The following TM2D1 variants were observed in gnomAD, a reference collection of about 807,000 sequenced individuals.
The protein encoded by TM2D1 is TM2 domain containing 1.
A neutral mutation model predicts 28.4 loss-of-function variants in TM2D1; 15 were observed. That is an observed-to-expected ratio of 0.53 (90% CI 0.35 to 0.81). The LOEUF is 0.81. Ranked by LOEUF, TM2D1 falls within the 40% of genes least tolerant of loss-of-function variation. TM2D1 has a pLI of 0.01. For synonymous variants in TM2D1, 93 were observed against 96.2 expected, an observed-to-expected ratio of 0.97 and a Z score of 0.20; for missense variants, 236 against 254.9, an observed-to-expected ratio of 0.93 and a Z score of 0.50.
At chr1:61,682,274 C>T (rs573283841) in intron 6 of TM2D1, among the ~76,000 whole-genome samples, 5 of 152,246 alleles carry the variant, frequency 3.3e-5, no homozygotes, top group East Asian at 3.9e-4. Context: ...AAGACATCTA[C>T]CCTGTCTTTC....
rs769522928 is a variant in TM2D1, at chr1:61,725,096, G to A, written c.25C>T (p.Pro9Ser). Reference sequence around the variant, plus strand: ...GCCGTCACGGCCTCCGGAGCAGACGGACCAGACGGCCAGGCGGCCGCCATC... The same window carrying A: ...GCCGTCACGGCCTCCGGAGCAGACGAACCAGACGGCCAGGCGGCCGCCATC... Reference protein sequence around the residue: MAAAWPSGPSAPEAVTARL... With the variant: MAAAWPSGSSAPEAVTARL... Residue 9 changes from proline (P) to serine (S), a missense_variant, in exon 1 of 7, where the codon CCG becomes TCG. Around this residue, in one of 3 missense-constraint regions of TM2D1, gnomAD observed 167 missense variants for 162.7 expected, o/e 1.03. Coordinates refer to ENST00000606498, the MANE Select transcript of TM2D1 (RefSeq NM_032027.3). 1.9e-5 allele frequency: 31 copies of A among 1,613,622 alleles called. No homozygotes were observed. Among genetic ancestry groups the A allele is most frequent in the Non-Finnish European group, 2.5e-5 (29 of 1,179,902 alleles).
In TM2D1 at chr1:61,723,738, A is replaced by G; in HGVS notation, c.213T>C (p.Val71=). The G allele has an allele frequency of 6.4e-7, 1 of 1,564,258 alleles. No individual in the cohort carries two copies. The highest frequency in any genetic ancestry group is 8.7e-7 in the Non-Finnish European group (1 of 1,149,832). Residue 71 remains valine, a synonymous_variant, in exon 2 of 7, where the codon GTT becomes GTC. Transcript: ENST00000606498. The stretch of plus-strand genomic sequence containing the variant: ...CATGAGCTGTGTAGTTTGTACAGTT[A>G]ACTGGTTCTTGCGTAGCGTCATTTA... ...PKINDATQEP[V]NCTNYTAHVS...
intron 2 of TM2D1, among the ~76,000 whole-genome samples, chr1:61,713,956 C>T (rs1030887539): frequency 5.8e-5 from 8 of 137,624 alleles, no homozygotes; most frequent in Admixed American, 1.6e-4. Flanking sequence ...ACTGCAGTGG[C>T]GCAATCTCGG....
chr1:61,721,921 A>C (rs1364103327), intron 2 of TM2D1, among the ~76,000 whole-genome samples: 2 of 145,598 alleles, frequency 1.4e-5, no homozygotes, highest in Non-Finnish European at 3.0e-5. Flanking sequence ...ACGAGGCTGG[A>C]CAATATAGGG....
chr1:61,709,398 G>A lies in TM2D1; in HGVS notation c.278C>T (p.Ser93Phe). 2 of 1,610,412 alleles carry A rather than the reference G, an allele frequency of 1.2e-6. No individual in the cohort carries two copies. Among genetic ancestry groups the A allele is most frequent in the Non-Finnish European group, 1.7e-6 (2 of 1,177,590 alleles). ...AGTAAAATGTGTTTCATTGCCACTG[G>A]AATCCTTACAAGTTATGTTGGGTGC... ...FPAPNITCKDSSGNETHFTGN... is the reference protein window; with the variant it reads ...FPAPNITCKDFSGNETHFTGN... The change falls in exon 3 of 7, where the codon TCC (serine) becomes TTC (phenylalanine). Residue 93 changes from serine (S) to phenylalanine (F), a missense_variant. Transcript: ENST00000606498.
At chr1:61,685,934 G>A (rs1159507889) in intron 5 of TM2D1, among the ~76,000 whole-genome samples, 3 of 152,168 alleles carry the variant, frequency 2.0e-5, no homozygotes, top group African/African-American at 4.8e-5. Context: ...GATTGCTTGA[G>A]CCCAGGAGTT....
At chr1:61,706,429 C>A (rs940483340) in intron 3 of TM2D1, among the ~76,000 whole-genome samples, 1 of 152,002 alleles carries the variant, frequency 6.6e-6, no homozygotes, top group African/African-American at 2.4e-5. Flanking sequence ...AACTCCTGAG[C>A]TCAAGCAATC....
chr1:61,708,286 T>G (rs1466329915), intron 3 of TM2D1, among the ~76,000 whole-genome samples: 1 of 152,128 alleles, frequency 6.6e-6, no homozygotes, highest in Admixed American at 6.6e-5. Flanking sequence ...TGGCCTCAAG[T>G]GATTCTCCTG....
At chr1:61,718,674 C>G (rs1482419029) in intron 2 of TM2D1, among the ~76,000 whole-genome samples, 1 of 152,054 alleles carries the variant, frequency 6.6e-6, no homozygotes, top group Non-Finnish European at 1.5e-5. Context: ...TATCATATGC[C>G]CCCAGATGTG....
chr1:61,713,614 AAGCACAGTATT>A (rs1490101232), intron 2 of TM2D1, among the ~76,000 whole-genome samples: 2 of 152,122 alleles, frequency 1.3e-5, no homozygotes, highest in East Asian at 3.8e-4. Flanking sequence ...GTGTGCCAGA[AAGCACAGTATT>A]ACTAGATTGT....
intron 5 of TM2D1, among the ~76,000 whole-genome samples, chr1:61,691,922 A>AAG (rs1644328064): frequency 5.6e-5 from 1 of 17,930 alleles, no homozygotes; most frequent in Non-Finnish European, 1.0e-4. Flanking sequence ...AAAAAAACTT[A>AAG]AAAAAAAAAA....
chr1:61,721,951 T>TAA (rs768461684), intron 2 of TM2D1, among the ~76,000 whole-genome samples: 659 of 44,008 alleles, frequency 0.015, 63 homozygotes, highest in African/African-American at 0.049. Context: ...TCTCTACAGC[T>TAA]AAAAAAAAAA....
At chr1:61,684,574 T>C (rs1421916912) in intron 5 of TM2D1, among the ~76,000 whole-genome samples, 1 of 152,238 alleles carries the variant, frequency 6.6e-6, no homozygotes, top group East Asian at 1.9e-4. Flanking sequence ...AAATACATTC[T>C]ACCGTATCTG....
chr1:61,682,841 C>G (rs58120534), intron 6 of TM2D1, among the ~76,000 whole-genome samples: 2,131 of 141,836 alleles, frequency 0.015, 46 homozygotes, highest in African/African-American at 0.053. Flanking sequence ...TGCAGTGAGC[C>G]AAGATTGAGC....
intron 2 of TM2D1, among the ~76,000 whole-genome samples, chr1:61,712,933 A>C (rs1334837481): frequency 1.3e-5 from 2 of 152,098 alleles, no homozygotes. Context: ...TAATCCCAGC[A>C]CTCTGGGAGG....
chr1:61,713,488 C>CAAAAAAAAAAAAA (rs369601221), intron 2 of TM2D1, among the ~76,000 whole-genome samples: 9 of 91,400 alleles, frequency 9.8e-5, no homozygotes, highest in Admixed American at 1.3e-4. Flanking sequence ...AACTCAAAAA[C>CAAAAAAAAAAAAA]AAAAAAAAAA....
At chr1:61,721,541 CAA>C (rs34211826) in intron 2 of TM2D1, among the ~76,000 whole-genome samples, 92 of 111,270 alleles carry the variant, frequency 8.3e-4, no homozygotes, top group Non-Finnish European at 8.7e-4. Flanking sequence ...GACTCTGTCT[CAA>C]AAAAAAAAAA....
At chr1:61,691,676 G>A (rs1027290530) in intron 5 of TM2D1, among the ~76,000 whole-genome samples, 1 of 150,378 alleles carries the variant, frequency 6.6e-6, no homozygotes, top group African/African-American at 2.4e-5. Flanking sequence ...AGCACTGTGG[G>A]ACACCAAGGT....
At position 61,724,950 on chromosome 1, in the gene TM2D1, A is replaced by G. The variant is rs1318153093; in HGVS notation, c.164+7T>C. 1.3e-6 allele frequency: 2 copies of G among 1,589,350 alleles called. No homozygotes were observed. The highest frequency in any genetic ancestry group is 2.2e-5 in the South Asian group (2 of 89,724). On this transcript the variant is annotated splice_region_variant and intron_variant, in intron 1 of 6. Transcript: ENST00000606498. ...CTCCATGGGGGGGTGTTCTCCACAGAGGATATTGTCCCACTTTGAGGTCCT... is the reference window on the plus strand; with the variant it reads ...CTCCATGGGGGGGTGTTCTCCACAGGGGATATTGTCCCACTTTGAGGTCCT...
Sources: gnomAD v4.1 joint callset for allele counts (sites outside exome capture counted in the v4.1 genomes callset) on GRCh38, gnomAD v4.1.1 for gene constraint, gnomAD v4.1.1 regional missense constraint, MANE v1.5 for transcripts, NCBI Gene and HGNC (gene_info 2026-07-23, HGNC 2026-07-21) for gene names.